The following HCRTR1 variants were observed in gnomAD, a reference collection of about 807,000 sequenced individuals.
The protein encoded by HCRTR1 is hypocretin receptor 1, also known as orexin/Hypocretin receptor type 1.
A neutral mutation model predicts 40.6 loss-of-function variants in HCRTR1; 28 were observed. The observed-to-expected ratio is 0.69, with a 90% CI of 0.51 to 0.95. The LOEUF is 0.95. Among genes scored for constraint, HCRTR1 ranks in the 40% least tolerant of loss-of-function variants. HCRTR1 has a pLI of 0.00. For synonymous variants in HCRTR1, 209 were observed against 230.0 expected (o/e 0.91, Z 0.83); for missense variants, 482 against 564.7 (o/e 0.85, Z 1.48).
In HCRTR1 at chr1:31,623,633, C is replaced by T. The variant is rs776268046; in HGVS notation, c.849C>T (p.Phe283=). ...AGCCCCAGCCCCGGGCCCGCGCCTT[C>T]CTGGCTGAAGTGAAGCAGATGCGTG... ...SGEPQPRARA[F]LAEVKQMRAR... is the part of the protein sequence containing the mutation. Residue 283 remains phenylalanine (F), a synonymous_variant, in exon 7 of 9, where the codon TTC becomes TTT. Transcript: ENST00000403528. The T allele has an allele frequency of 6.2e-7, 1 of 1,614,004 alleles. No individual in the cohort carries two copies. The highest frequency in any genetic ancestry group is 8.5e-7 in the Non-Finnish European group (1 of 1,180,036).
intron 6 of HCRTR1, among the ~76,000 whole-genome samples, 200 bp downstream of exon 6, chr1:31,621,792 G>A (rs1320517220): frequency 2.6e-5 from 4 of 152,320 alleles, no homozygotes; most frequent in South Asian, 2.1e-4. Context: ...ATAGTAACAC[G>A]TCCTTCTATT....
chr1:31,634,420 C>G (rs1640201491), downstream of HCRTR1, among the ~76,000 whole-genome samples: 2 of 152,058 alleles, frequency 1.3e-5, no homozygotes, highest in South Asian at 4.1e-4. Context: ...TAAAATGAAC[C>G]CATTTCCCCA....
At chr1:31,623,916 C>T (rs975764397) in intron 7 of HCRTR1, among the ~76,000 whole-genome samples, 167 bp downstream of exon 7, 1 of 152,178 alleles carries the variant, frequency 6.6e-6, no homozygotes, top group East Asian at 1.9e-4. Context: ...TGAAAATTCA[C>T]GCATTCATTC....
chr1:31,627,085 C>T lies in HCRTR1; in HGVS notation c.*105C>T. On this transcript the variant is annotated 3_prime_UTR_variant, in exon 9 of 9. Coordinates refer to ENST00000403528, the MANE Select transcript of HCRTR1 (RefSeq NM_001525.3). ...CTGTGGCTTCAGTCCTGGGTTTCTG[C>T]CTGTGTGACTCTGGATAAGTCACTT... 6.7e-7 allele frequency: 1 copy of T among 1,497,322 alleles called. No homozygotes were observed. Among genetic ancestry groups the T allele is most frequent in the Non-Finnish European group, 8.9e-7 (1 of 1,121,030 alleles). The allele number at this position is 1,497,322 out of a possible 1,614,324, so 92.8% of individuals were successfully genotyped here.
chr1:31,630,257 G>A, downstream of HCRTR1: 1 of 317,000 alleles, frequency 3.2e-6, no homozygotes, highest in South Asian at 3.3e-5. Flanking sequence ...ACGGTAACAG[G>A]CCGATGAACA....
intron 2 of HCRTR1, 23 bp downstream of exon 2, chr1:31,618,839 T>C (rs201225409): frequency 9.2e-6 from 3 of 326,178 alleles, no homozygotes; most frequent in Middle Eastern, 9.5e-4. Context: ...GTCACCCCAT[T>C]AGACAGATGG....
chr1:31,625,470 G>C lies in HCRTR1; in HGVS notation c.1087+352G>C, dbSNP rs557197715. 6.6e-6 allele frequency among the ~76,000 whole-genome samples: 1 copy of C among 152,332 alleles called. No individual in the cohort carries two copies. The highest frequency in any genetic ancestry group is 2.4e-5 in the African/African-American group (1 of 41,592). On this transcript the variant is annotated intron_variant, in intron 8 of 8. Coordinates refer to ENST00000403528, the MANE Select transcript of HCRTR1 (RefSeq NM_001525.3). This position sits in a 1 kb window ranked among gnomAD's most constrained non-coding sequence, Gnocchi z 4.2. ...CAGAGGAGTCCATCCTCCCCGGAGG[G>C]AGTCAGACCTGTGGGAGGAGGGCCC...
downstream of HCRTR1, among the ~76,000 whole-genome samples, chr1:31,628,412 T>C (rs1215827414): frequency 6.6e-6 from 1 of 152,174 alleles, no homozygotes. Flanking sequence ...GAGGATGGGC[T>C]CTCCTGCCCA....
chr1:31,631,555 C>T (rs1208639998), downstream of HCRTR1, among the ~76,000 whole-genome samples: 6 of 152,150 alleles, frequency 3.9e-5, 1 homozygote, highest in Non-Finnish European at 7.3e-5. Context: ...AGGTTACCTA[C>T]ACTAAACCTC....
intron 3 of HCRTR1, 42 bp from the exon 4 acceptor site, chr1:31,619,490 G>T: frequency 6.2e-7 from 1 of 1,612,990 alleles, no homozygotes; most frequent in Non-Finnish European, 8.5e-7. Context: ...AACTAGGATG[G>T]GTGTGGCTCT....
intron 6 of HCRTR1, 74 bp downstream of exon 6, chr1:31,621,666 G>A: frequency 3.8e-6 from 4 of 1,041,642 alleles, no homozygotes; most frequent in Non-Finnish European, 5.9e-6. Context: ...TGGTCTAACT[G>A]AGTAGGCAGT....
Position 31,626,642 on chromosome 1 carries a change from C to A in HCRTR1, c.1088-148C>A. 7.6e-7 allele frequency: 1 copy of A among 1,319,174 alleles called. No homozygotes were observed. The allele number at this position is 1,319,174 out of a possible 1,614,324, so 81.7% of individuals were successfully genotyped here. The stretch of plus-strand genomic sequence containing the variant: ...CTCTCTGGCGGTGCCGAGGTTGCCT[C>A]AGGGCTCTCCCTCCCAGCTCTATCC... On this transcript the variant is annotated intron_variant, in intron 8 of 8. Transcript: ENST00000403528. This position sits in a 1 kb window ranked among gnomAD's most constrained non-coding sequence, Gnocchi z 4.6.
intron 4 of HCRTR1, among the ~76,000 whole-genome samples, chr1:31,620,508 G>A (rs1042940873): frequency 6.6e-6 from 1 of 152,200 alleles, no homozygotes; most frequent in African/African-American, 2.4e-5. Context: ...ATTGTCATGA[G>A]GATGATGAGA....
Position 31,626,692 on chromosome 1 carries a change from A to G in HCRTR1, c.1088-98A>G. On this transcript the variant is annotated intron_variant, in intron 8 of 8. Coordinates refer to ENST00000403528, the MANE Select transcript of HCRTR1 (RefSeq NM_001525.3). This position sits in a 1 kb window ranked among gnomAD's most constrained non-coding sequence, Gnocchi z 4.6. ...CCTCCCTCCCTCCCCGCCCCCTCAT[A>G]GGCAGCTTGGCTGGAGCTGCGTGGG... The G allele has an allele frequency of 7.0e-7, 1 of 1,424,934 alleles. No homozygotes were observed. The highest frequency in any genetic ancestry group is 9.4e-7 in the Non-Finnish European group (1 of 1,064,898). The allele number at this position is 1,424,934 out of a possible 1,614,324, so 88.3% of individuals were successfully genotyped here.
chr1:31,632,199 A>T, downstream of HCRTR1: 1 of 603,098 alleles, frequency 1.7e-6, no homozygotes, highest in Non-Finnish European at 3.0e-6. Context: ...CTGGTCTCAT[A>T]GTCCTTAAGG....
chr1:31,623,792 T>C (rs1639916504), intron 7 of HCRTR1, 43 bp downstream of exon 7: 1 of 1,486,288 alleles, frequency 6.7e-7, no homozygotes, highest in South Asian at 1.2e-5. Flanking sequence ...AAGTTTGAGG[T>C]TGGGGAAGGA....
chr1:31,627,473 GC>G lies in HCRTR1; in HGVS notation c.*497del. The stretch of plus-strand genomic sequence containing the variant: ...CTTTCTCCAGCGGGCCACGAGCACA[GC>G]CCCACCCTAACCAGGTGCCAAGGGC... On this transcript the variant is annotated 3_prime_UTR_variant, in exon 9 of 9. Transcript: ENST00000403528. The G allele has an allele frequency of 1.3e-6, 1 of 757,434 alleles. No individual in the cohort carries two copies. Among genetic ancestry groups the G allele is most frequent in the Non-Finnish European group, 2.0e-6 (1 of 506,298 alleles). 46.9% of individuals were successfully genotyped at this position (757,434 alleles called of 1,614,324 possible).
In HCRTR1 at chr1:31,626,833, G is replaced by C. The variant is rs779653659; in HGVS notation, c.1131G>C (p.Leu377=). 1.9e-6 allele frequency: 3 copies of C among 1,614,102 alleles called. No homozygotes were observed. The highest frequency in any genetic ancestry group is 2.5e-6 in the Non-Finnish European group (3 of 1,180,024). Residue 377 remains leucine, a synonymous_variant, in exon 9 of 9, where the codon CTG becomes CTC. Transcript: ENST00000403528. The surrounding 1 kb of genome is among the most constrained non-coding windows in gnomAD (Gnocchi z 4.6). Reference sequence around the variant, plus strand: ...TTAAGGCTGCCTTCTCCTGCTGCCTGCCTGGCCTGGGTCCCTGCGGCTCTC... The same window carrying C: ...TTAAGGCTGCCTTCTCCTGCTGCCTCCCTGGCCTGGGTCCCTGCGGCTCTC... ...EQFKAAFSCC[L]PGLGPCGSLK...
At chr1:31,632,733 C>T (rs1317181307), downstream of HCRTR1, 4 of 1,428,480 alleles carry the variant, frequency 2.8e-6, no homozygotes, top group South Asian at 2.7e-5. Flanking sequence ...TCTCTCCAGG[C>T]TGGAGTAGGC....
Sources: gnomAD v4.1 joint callset for allele counts (sites outside exome capture counted in the v4.1 genomes callset) on GRCh38, gnomAD v4.1.1 for gene constraint, Gnocchi (gnomAD v3.1) non-coding constraint, MANE v1.5 for transcripts, NCBI Gene and HGNC (gene_info 2026-07-23, HGNC 2026-07-21) for gene names.